TBC1D9: variants seen among roughly 807,000 people sequenced by gnomAD.
TBC1D9 encodes the protein TBC1 domain family member 9, also known as TBC1 domain family member 9A.
TBC1D9 carries 63 observed loss-of-function variants against 132.0 expected under a neutral mutation model. That is an observed-to-expected ratio of 0.48 (90% CI 0.39 to 0.59). TBC1D9 has a LOEUF of 0.59. TBC1D9 is among the 20% of genes least tolerant of loss of function. The pLI is 0.00. For missense variants in TBC1D9, 1,261 were observed against 1,592.7 expected (o/e 0.79, Z 3.54); for synonymous variants, 610 against 609.9 (o/e 1.00, Z 0.00).
In TBC1D9 at chr4:140,714,901, A is replaced by T. The variant is rs1161191787; in HGVS notation, c.131-13287T>A. Among the ~76,000 whole-genome samples the T allele has an allele frequency of 2.0e-5, 3 of 152,268 alleles. No individual in the cohort carries two copies. In the East Asian group the frequency reaches 5.8e-4, roughly 29 times the overall value. ...CAGAATTTTGGGAGGCTGAAGCAGG[A>T]AGATTGTTTGAGCCCAGGAGACCAG... is the stretch of plus-strand genomic sequence containing the variant. On this transcript the variant is annotated intron_variant, in intron 1 of 20. Transcript: ENST00000442267.
chr4:140,698,516 G>A lies in TBC1D9; in HGVS notation c.241+2988C>T, dbSNP rs576429924. On this transcript the variant is annotated intron_variant, in intron 2 of 20. Coordinates refer to ENST00000442267, the MANE Select transcript of TBC1D9 (RefSeq NM_015130.3). ...CTGTAATCCCAGCATTTTGGAGGCC[G>A]AGGTGGGCGGATCATGAGATCAGGA... 6.2e-4 allele frequency among the ~76,000 whole-genome samples: 94 copies of A among 152,222 alleles called. 1 individual carries two copies. In the South Asian group the frequency reaches 0.019, roughly 31 times the overall value.
At chr4:140,742,194 T>C (rs1225427444) in intron 1 of TBC1D9, among the ~76,000 whole-genome samples, 1 of 152,108 alleles carries the variant, frequency 6.6e-6, no homozygotes, top group East Asian at 1.9e-4. Context: ...AACTGTGACA[T>C]GCCATTTGAA....
rs1578849306 is a variant in TBC1D9 at position 140,706,428 on chromosome 4, G to T, written c.131-4814C>A. On this transcript the variant is annotated intron_variant, in intron 1 of 20. Transcript: ENST00000442267. This position sits in a 1 kb window ranked among gnomAD's most constrained non-coding sequence, Gnocchi z 4.0. ...AATAATAGTATCTACCCTAGAAAGT[G>T]CTTAGTATGCACTAAGCACTATTGT... 6.6e-6 allele frequency among the ~76,000 whole-genome samples: 1 copy of T among 152,226 alleles called. No individual in the cohort carries two copies. Among genetic ancestry groups the T allele is most frequent in the Admixed American group, 6.5e-5 (1 of 15,290 alleles).
chr4:140,746,026 C>T (rs1009644808), intron 1 of TBC1D9, among the ~76,000 whole-genome samples: 1 of 152,186 alleles, frequency 6.6e-6, no homozygotes, highest in Admixed American at 6.5e-5. Flanking sequence ...AATTCCTGGA[C>T]AGTCCAATGC....
At chr4:140,645,373 G>A (rs899075485) in intron 13 of TBC1D9, 24 of 470,534 alleles carry the variant, frequency 5.1e-5, no homozygotes, top group Middle Eastern at 5.6e-4. Flanking sequence ...GGCGGGTGTC[G>A]CACTTCTGCT....
intron 9 of TBC1D9, among the ~76,000 whole-genome samples, chr4:140,665,479 G>T (rs1465916410): frequency 6.6e-6 from 1 of 152,018 alleles, no homozygotes; most frequent in East Asian, 1.9e-4. Flanking sequence ...GTAAGTGCAT[G>T]AAAAAATGTT....
At chr4:140,658,577 AG>A (rs1297331317) in intron 11 of TBC1D9, among the ~76,000 whole-genome samples, 3 of 152,140 alleles carry the variant, frequency 2.0e-5, no homozygotes, top group Non-Finnish European at 2.9e-5. Flanking sequence ...TGGGAGGCTG[AG>A]GCAGGCGGAT....
At chr4:140,634,303 G>GCCACAGCCCTGCCC in intron 15 of TBC1D9, 115 bp from the exon 16 acceptor site, 2 of 1,446,198 alleles carry the variant, frequency 1.4e-6, no homozygotes, top group South Asian at 1.4e-5. Context: ...ATCCCCTGGG[G>GCCACAGCCCTGCCC]CAGGGCTGTG....
At chr4:140,642,686 C>T (rs1308409965) in intron 13 of TBC1D9, 3 of 667,936 alleles carry the variant, frequency 4.5e-6, no homozygotes, top group Non-Finnish European at 8.0e-6. Flanking sequence ...TTTCCCTGTT[C>T]CAATAAGGGC....
chr4:140,644,050 A>G (rs558053833), intron 13 of TBC1D9: 2 of 449,358 alleles, frequency 4.5e-6, no homozygotes, highest in Non-Finnish European at 8.5e-6. Flanking sequence ...TCTTCGGGCG[A>G]GAGTGTCAGG....
At chr4:140,640,447 T>TGGGGGGGGGGGGGGGGGGGGGGGGG (rs55770281) in intron 13 of TBC1D9, among the ~76,000 whole-genome samples, 1 of 108,004 alleles carries the variant, frequency 9.3e-6, no homozygotes, top group Non-Finnish European at 2.0e-5. Context: ...GGTGGTGGGG[T>TGGGGGGGGGGGGGGGGGGGGGGGGG]GGGGGGGGGA....
intron 1 of TBC1D9, among the ~76,000 whole-genome samples, chr4:140,737,429 C>A (rs540089390): frequency 7.6e-6 from 1 of 130,818 alleles, no homozygotes; most frequent in Admixed American, 8.5e-5. Flanking sequence ...TCTCCCTGCA[C>A]CCTCCCTTCT....
At chr4:140,640,019 G>C (rs1167034328) in intron 13 of TBC1D9, among the ~76,000 whole-genome samples, 1 of 152,194 alleles carries the variant, frequency 6.6e-6, no homozygotes, top group African/African-American at 2.4e-5. Flanking sequence ...ATATCTTAGG[G>C]ATGCAAAAGA....
chr4:140,678,100 T>C (rs1247544896), intron 5 of TBC1D9, among the ~76,000 whole-genome samples: 2 of 152,160 alleles, frequency 1.3e-5, no homozygotes, highest in Non-Finnish European at 2.9e-5. Context: ...CCTTTCCTTG[T>C]CTTTTATTTT....
At chr4:140,733,597 T>C (rs1234934382) in intron 1 of TBC1D9, among the ~76,000 whole-genome samples, 3 of 152,230 alleles carry the variant, frequency 2.0e-5, no homozygotes, top group Non-Finnish European at 2.9e-5. Context: ...TGACTATACC[T>C]GGGCAGTCTG....
intron 1 of TBC1D9, among the ~76,000 whole-genome samples, chr4:140,750,291 T>TA (rs1738902595): frequency 6.6e-6 from 1 of 152,052 alleles, no homozygotes; most frequent in African/African-American, 2.4e-5. Flanking sequence ...TATGAGGTCC[T>TA]AGCCTGTCAA....
chr4:140,648,589 T>C (rs1737139929), intron 13 of TBC1D9, among the ~76,000 whole-genome samples: 1 of 152,094 alleles, frequency 6.6e-6, no homozygotes, highest in South Asian at 2.1e-4. Context: ...TCTCCCTATG[T>C]TGCCCAGACA....
intron 1 of TBC1D9, among the ~76,000 whole-genome samples, chr4:140,748,766 A>G (rs536359673): frequency 6.6e-6 from 1 of 152,322 alleles, no homozygotes; most frequent in East Asian, 1.9e-4. Flanking sequence ...AACTGAGAAA[A>G]GCTGTCACAA....
At chr4:140,749,818 C>G (rs1186063694) in intron 1 of TBC1D9, among the ~76,000 whole-genome samples, 3 of 152,086 alleles carry the variant, frequency 2.0e-5, no homozygotes, top group Non-Finnish European at 4.4e-5. Context: ...TAAATCTATT[C>G]TAACCATAAG....
Sources: allele counts gnomAD v4.1 joint callset (sites outside exome capture counted in the v4.1 genomes callset), GRCh38; gene constraint gnomAD v4.1.1; non-coding constraint Gnocchi (gnomAD v3.1); transcripts MANE v1.5; gene names NCBI Gene and HGNC (gene_info 2026-07-23, HGNC 2026-07-21).